Variants in KCTD1 observed in about 807,000 individuals in gnomAD.
The protein encoded by KCTD1 is BTB/POZ domain-containing protein KCTD1.
KCTD1 carries 24 observed loss-of-function variants against 66.0 expected under a neutral mutation model. That is an observed-to-expected ratio of 0.36 (90% CI 0.26 to 0.51). The LOEUF is 0.51. KCTD1 is among the 20% of genes least tolerant of loss of function. The probability of loss-of-function intolerance (pLI) is 0.95; values close to 1 mark genes in which losing one functional copy is unlikely to be tolerated. For missense variants in KCTD1, 943 were observed against 1,205.2 expected (o/e 0.78, Z 3.22); for synonymous variants, 511 against 517.2 (o/e 0.99, Z 0.16).
At chr18:26,625,715 A>G (rs1987484042) in intron 1 of KCTD1, among the ~76,000 whole-genome samples, 1 of 152,240 alleles carries the variant, frequency 6.6e-6, no homozygotes, top group African/African-American at 2.4e-5. Context: ...TTCATGCTAC[A>G]AGAAGCCCCA....
At chr18:26,638,632 G>A (rs1987771514) in intron 1 of KCTD1, among the ~76,000 whole-genome samples, 1 of 152,244 alleles carries the variant, frequency 6.6e-6, no homozygotes, top group Non-Finnish European at 1.5e-5. Flanking sequence ...GTCATTGGAT[G>A]TGTCTGGGGA....
chr18:26,577,187 A>T (rs1336164357), intron 1 of KCTD1, among the ~76,000 whole-genome samples: 1 of 152,182 alleles, frequency 6.6e-6, no homozygotes, highest in Non-Finnish European at 1.5e-5. Context: ...TGCTTTGTGG[A>T]TGTTAGAACA....
chr18:26,581,301 G>A (rs1260743364), intron 1 of KCTD1: 1 of 152,190 alleles, frequency 6.6e-6, no homozygotes, highest in Non-Finnish European at 1.5e-5. Context: ...AGGCTATAGT[G>A]CAGTGGTATG....
At chr18:26,594,878 A>G (rs1398977302) in intron 1 of KCTD1, among the ~76,000 whole-genome samples, 1 of 152,176 alleles carries the variant, frequency 6.6e-6, no homozygotes, top group Admixed American at 6.5e-5. Flanking sequence ...TGCAACATCA[A>G]CAACTTCCAG....
intron 1 of KCTD1, chr18:26,600,073 T>C (rs139399011): frequency 7.0e-5 from 112 of 1,610,822 alleles, no homozygotes; most frequent in Non-Finnish European, 9.3e-5. Context: ...TCCAGAAGAT[T>C]TGAAGAAGCC....
intron 4 of KCTD1, chr18:26,457,631 G>C (rs1980165943): frequency 6.6e-6 from 1 of 152,198 alleles, no homozygotes; most frequent in African/African-American, 2.4e-5. Context: ...CTTGGATGTG[G>C]TCAAAAGCTT....
At chr18:26,590,250 A>AT (rs111469938) in intron 1 of KCTD1, among the ~76,000 whole-genome samples, 1,479 of 138,868 alleles carry the variant, frequency 0.011, 18 homozygotes, top group Middle Eastern at 0.044. Flanking sequence ...CACCTGGCTC[A>AT]TTTTTTTTTT....
chr18:26,507,542 AT>A (rs947780349), intron 1 of KCTD1, among the ~76,000 whole-genome samples: 23 of 151,206 alleles, frequency 1.5e-4, no homozygotes, highest in Non-Finnish European at 2.4e-4. Context: ...GCTAATTAAA[AT>A]TTTTTTTTCT....
chr18:26,612,861 A>G (rs568787592), intron 1 of KCTD1, among the ~76,000 whole-genome samples: 60 of 152,172 alleles, frequency 3.9e-4, no homozygotes, highest in Middle Eastern at 3.4e-3. Flanking sequence ...CTTGACATCC[A>G]TTGTCTTAAA....
At chr18:26,650,814 G>A (rs1033067407) in intron 1 of KCTD1, among the ~76,000 whole-genome samples, 1 of 152,264 alleles carries the variant, frequency 6.6e-6, no homozygotes, top group Non-Finnish European at 1.5e-5. Flanking sequence ...AGTCAGTGAT[G>A]ATAGCAGTAG....
At chr18:26,528,259 C>A (rs115782426) in intron 1 of KCTD1, among the ~76,000 whole-genome samples, 1 of 152,076 alleles carries the variant, frequency 6.6e-6, no homozygotes, top group African/African-American at 2.4e-5. Context: ...TAATGGGGAG[C>A]CAGGATCCTT....
intron 1 of KCTD1, among the ~76,000 whole-genome samples, chr18:26,589,768 C>T (rs931216283): frequency 1.3e-5 from 2 of 152,160 alleles, no homozygotes; most frequent in East Asian, 1.9e-4. Flanking sequence ...ATGGTGATTC[C>T]ATCCCCTGCC....
intron 1 of KCTD1, among the ~76,000 whole-genome samples, chr18:26,619,670 T>C (rs896865875): frequency 1.3e-5 from 2 of 152,196 alleles, no homozygotes; most frequent in Non-Finnish European, 2.9e-5. Flanking sequence ...CAATGGGACC[T>C]GAGGAGACAT....
At chr18:26,551,874 T>G (rs1366269385), upstream of KCTD1, among the ~76,000 whole-genome samples, 1 of 152,244 alleles carries the variant, frequency 6.6e-6, no homozygotes, top group African/African-American at 2.4e-5. Flanking sequence ...ATTCCTCTAC[T>G]TGACCTCTCC....
chr18:26,657,368 T>C (rs1988180791), exon 1 of KCTD1: 1 of 985,498 alleles, frequency 1.0e-6, no homozygotes, highest in Non-Finnish European at 1.2e-6. Context: ...ACCTGAAACA[T>C]TGAAGCACAA....
chr18:26,532,231 T>C (rs1324862707), intron 1 of KCTD1, among the ~76,000 whole-genome samples: 1 of 151,720 alleles, frequency 6.6e-6, no homozygotes, highest in Non-Finnish European at 1.5e-5. Flanking sequence ...AATTCCTTTT[T>C]TATTCTTTTT....
At chr18:26,633,651 G>T (rs564831240), upstream of KCTD1, among the ~76,000 whole-genome samples, 5 of 152,230 alleles carry the variant, frequency 3.3e-5, no homozygotes, top group East Asian at 9.6e-4. Context: ...CATATAGAAA[G>T]AGATTTTATA....
chr18:26,604,378 C>A lies in KCTD1; in HGVS notation c.-16+24769G>T, dbSNP rs534415709. On this transcript the variant is annotated intron_variant, in intron 1 of 4. Coordinates refer to the KCTD1 transcript ENST00000317932. ...ACTTCTCAAAGAGCTAAAAGCAGAA[C>A]TACCATTTGACCCAGCAATCCCATT... Among the ~76,000 whole-genome samples, 58 of 152,332 alleles carry A rather than the reference C, an allele frequency of 3.8e-4. 1 individual carries two copies. Among genetic ancestry groups the A allele is most frequent in the African/African-American group, 1.1e-3 (44 of 41,570 alleles).
At chr18:26,617,949 G>T (rs992474758) in intron 1 of KCTD1, among the ~76,000 whole-genome samples, 1 of 151,730 alleles carries the variant, frequency 6.6e-6, no homozygotes, top group Non-Finnish European at 1.5e-5. Flanking sequence ...AAGGAAGACA[G>T]AAAGTCCATG....
Sources: gnomAD v4.1 joint callset for allele counts (sites outside exome capture counted in the v4.1 genomes callset) on GRCh38, gnomAD v4.1.1 for gene constraint, MANE v1.5 for transcripts, NCBI Gene and HGNC (gene_info 2026-07-23, HGNC 2026-07-21) for gene names.